Variants in TSC2 observed in about 807,000 individuals in gnomAD.
The protein encoded by TSC2 is TSC complex subunit 2.
A neutral mutation model predicts 202.2 loss-of-function variants in TSC2; 29 were observed. That is an observed-to-expected ratio of 0.14 (90% CI 0.11 to 0.20). The LOEUF is 0.20. Among genes scored for constraint, TSC2 ranks in the 10% least tolerant of loss-of-function variants. The pLI is 1.00. For synonymous variants in TSC2, 1,349 were observed against 1,044.0 expected (o/e 1.29, Z -5.63); for missense variants, 2,429 against 2,420.0 (o/e 1.00, Z -0.08).
At chr16:2,076,408 G>A in intron 24 of TSC2, 83 bp from the exon 25 acceptor site, 1 of 1,597,562 alleles carries the variant, frequency 6.3e-7, no homozygotes, top group Non-Finnish European at 8.5e-7. Flanking sequence ...CTTGTCCCTG[G>A]CCAGGGGGCA....
Position 2,048,632 on chromosome 16 carries a change from G to A in TSC2, c.17G>A (p.Ser6Asn), listed in dbSNP as rs758239066. The A allele has an allele frequency of 1.8e-5, 29 of 1,613,976 alleles. No individual in the cohort carries two copies. Among genetic ancestry groups the A allele is most frequent in the Middle Eastern group, 3.3e-4 (2 of 6,062 alleles). The stretch of plus-strand genomic sequence containing the variant: ...TGGTCCACCATGGCCAAACCAACAA[G>A]CAAAGATTCAGGCTTGAAGGAGAAG... MAKPT[S>N]KDSGLKEKFK... is the part of the protein sequence containing the mutation. The change falls in exon 2 of 42, where the codon AGC becomes AAC. Residue 6 changes from serine to asparagine, a missense_variant. Physicochemically the swap from Ser to Asn is conservative, Grantham distance 46 (BLOSUM62 1). Coordinates refer to ENST00000219476, the MANE Select transcript of TSC2 (RefSeq NM_000548.5).
Position 2,057,454 on chromosome 16 carries a change from C to G in TSC2, c.848+276C>G, listed in dbSNP as rs60154230. Among the ~76,000 whole-genome samples the G allele has an allele frequency of 0.011, 1,746 of 152,248 alleles. 32 individuals carry two copies. Among genetic ancestry groups the G allele is most frequent in the African/African-American group, 0.04 (1,663 of 41,518 alleles). ...TGCTCCCCAACTACTTAGCCTGTTA[C>G]AAGGCGAGGCTCGGGGTCTTGGCTT... On this transcript the variant is annotated intron_variant, in intron 9 of 41. Coordinates refer to ENST00000219476, the MANE Select transcript of TSC2 (RefSeq NM_000548.5).
At chr16:2,054,779 T>C (rs1567401326) in intron 5 of TSC2, 3 of 420,720 alleles carry the variant, frequency 7.1e-6, no homozygotes, top group African/African-American at 6.1e-5. Flanking sequence ...ACTGGTCCCG[T>C]CTTCCTCCTC....
At position 2,084,268 on chromosome 16, in the gene TSC2, C is replaced by T. The variant is rs201979616; in HGVS notation, c.4046C>T (p.Ala1349Val). 3.6e-5 allele frequency: 58 copies of T among 1,608,938 alleles called. No homozygotes were observed. Among genetic ancestry groups the T allele is most frequent in the South Asian group, 8.9e-5 (8 of 90,252 alleles). Residue 1349 changes from alanine to valine, a missense_variant, in exon 34 of 42, where the codon GCG (alanine) becomes GTG (valine). Physicochemically the swap from Ala to Val is moderately conservative, Grantham distance 64. Transcript: ENST00000219476. ...VSSQEEKSLH[A>V]EELVGRGIPI... ...AGCCAGGAGGAGAAGTCGCTCCACG[C>T]GGAGGAGCTGGTTGGCAGGGGCATC...
chr16:2,085,711 A>G (rs1427977039), intron 36 of TSC2, among the ~76,000 whole-genome samples: 1 of 152,162 alleles, frequency 6.6e-6, no homozygotes, highest in Non-Finnish European at 1.5e-5. Flanking sequence ...CAGCTTGAGC[A>G]CTGGTGCTGG....
chr16:2,081,334 C>A, intron 30 of TSC2: 1 of 544,680 alleles, frequency 1.8e-6, no homozygotes, highest in Non-Finnish European at 3.3e-6. Flanking sequence ...CTCGTGGAGG[C>A]CTTGGGTCCG....
At chr16:2,082,759 G>A (rs371746741) in intron 32 of TSC2, 7 of 583,674 alleles carry the variant, frequency 1.2e-5, no homozygotes, top group African/African-American at 1.1e-4. Flanking sequence ...TCAGGCCTGA[G>A]GGGTGGGGGT....
At position 2,083,730 on chromosome 16, in the gene TSC2, G is replaced by A. The variant is rs62642481; in HGVS notation, c.3919G>A (p.Glu1307Lys). Reference sequence around the variant, plus strand: ...GGTCATGGAGGAGGGAAGTCCGGGCGAGGTTCCTGTGCTGGTGGAGCCCCC... The same window carrying A: ...GGTCATGGAGGAGGGAAGTCCGGGCAAGGTTCCTGTGCTGGTGGAGCCCCC... ...AVVMEEGSPG[E>K]VPVLVEPPGL... is the part of the protein sequence containing the mutation. Residue 1307 changes from glutamate to lysine, a missense_variant, in exon 33 of 42, where the codon GAG becomes AAG. Glu to Lys is a moderately conservative substitution (Grantham distance 56). Coordinates refer to ENST00000219476, the MANE Select transcript of TSC2 (RefSeq NM_000548.5). 2.6e-5 allele frequency: 42 copies of A among 1,601,656 alleles called. No homozygotes were observed. In the African/African-American group the frequency reaches 3.3e-4, roughly 13 times the overall value.
chr16:2,080,413 G>T, intron 30 of TSC2, 36 bp downstream of exon 30: 2 of 1,604,730 alleles, frequency 1.2e-6, no homozygotes, highest in East Asian at 2.2e-5. Flanking sequence ...CCATCTTTCT[G>T]CCAGTCACCC....
rs45517154 is a variant in TSC2, at chr16:2,061,884, C to T, written c.1133C>T (p.Pro378Leu). The T allele has an allele frequency of 9.7e-5, 157 of 1,614,014 alleles. No individual in the cohort carries two copies. The highest frequency in any genetic ancestry group is 1.2e-4 in the Non-Finnish European group (147 of 1,180,032). ...CTGGTACTGCAGACCTTGGACAGCC[C>T]GGAGCTCAGGACCATCGTCCATGAC... is the stretch of plus-strand genomic sequence containing the variant. ...LLQQLQTLDSPELRTIVHDLL... is the reference protein window; with the variant it reads ...LLQQLQTLDSLELRTIVHDLL... The change falls in exon 12 of 42, where the codon CCG becomes CTG. Residue 378 changes from proline to leucine, a missense_variant. Transcript: ENST00000219476.
intron 3 of TSC2, among the ~76,000 whole-genome samples, chr16:2,052,446 A>T (rs2085251791): frequency 6.6e-6 from 1 of 152,048 alleles, no homozygotes; most frequent in Non-Finnish European, 1.5e-5. Context: ...AGTAGCTGGG[A>T]CTACAGGCAT....
intron 35 of TSC2, 95 bp from the exon 36 acceptor site, chr16:2,085,135 T>C: frequency 6.2e-7 from 1 of 1,603,018 alleles, no homozygotes; most frequent in East Asian, 2.2e-5. Context: ...GGCTCTGGCC[T>C]AAGCTCCCTG....
At chr16:2,087,024 C>A in intron 38 of TSC2, 153 bp downstream of exon 38, 1 of 1,194,436 alleles carries the variant, frequency 8.4e-7, no homozygotes, top group South Asian at 1.4e-5. Flanking sequence ...AGCTTCACCC[C>A]GAGCCTGCGT....
At chr16:2,062,030 G>A (rs2086703879) in intron 12 of TSC2, 22 bp downstream of exon 12, 1 of 1,613,870 alleles carries the variant, frequency 6.2e-7, no homozygotes, top group African/African-American at 1.3e-5. Flanking sequence ...TCCTGGGTGG[G>A]GCCTTTGGGC....
At chr16:2,078,517 AG>A (rs2089707851) in intron 26 of TSC2, 1 of 212,536 alleles carries the variant, frequency 4.7e-6, no homozygotes, top group Non-Finnish European at 9.6e-6. Context: ...AATATTGCCT[AG>A]GGGCTATGAA....
chr16:2,055,804 T>C (rs751532019), intron 6 of TSC2: 1 of 467,340 alleles, frequency 2.1e-6, no homozygotes, highest in Non-Finnish European at 3.9e-6. Context: ...GGCAGGAGAA[T>C]TGCTTGAAAC....
intron 15 of TSC2, 23 bp from the exon 16 acceptor site, chr16:2,065,496 A>AAG (rs2087217610): frequency 1.3e-6 from 2 of 1,598,888 alleles, no homozygotes; most frequent in Non-Finnish European, 1.7e-6. Flanking sequence ...GCCTGTGTGT[A>AAG]AGTCCTGGCC....
At position 2,079,265 on chromosome 16, in the gene TSC2, C is replaced by G. The variant is rs2089819486; in HGVS notation, c.3132-11C>G. 3.7e-6 allele frequency: 6 copies of G among 1,613,028 alleles called. No homozygotes were observed. Among genetic ancestry groups the G allele is most frequent in the Non-Finnish European group, 5.1e-6 (6 of 1,180,022 alleles). ...ACGGGCAAGCTGGGTTTCACGCTCC[C>G]TGTCTTCTAGGTCTCCTGTGGGCGA... On this transcript the variant is annotated splice_polypyrimidine_tract_variant and intron_variant, in intron 27 of 41. Transcript: ENST00000219476. The surrounding 1 kb of genome is among the most constrained non-coding windows in gnomAD (Gnocchi z 4.6).
At chr16:2,085,202 G>C (rs1321500454) in intron 35 of TSC2, 28 bp from the exon 36 acceptor site, 1 of 1,612,542 alleles carries the variant, frequency 6.2e-7, no homozygotes, top group Admixed American at 1.7e-5. Context: ...GGGCGTCTGG[G>C]GCTCAGGCAG....
Sources: allele counts gnomAD v4.1 joint callset (sites outside exome capture counted in the v4.1 genomes callset), GRCh38; gene constraint gnomAD v4.1.1; non-coding constraint Gnocchi (gnomAD v3.1); transcripts MANE v1.5; gene names NCBI Gene and HGNC (gene_info 2026-07-23, HGNC 2026-07-21).